Variants in CNPY3 observed in about 807,000 individuals in gnomAD.
The protein encoded by CNPY3 is canopy FGF signaling regulator 3.
Under a neutral mutation model 32.0 loss-of-function variants are expected in CNPY3, and 20 were observed. The ratio of observed to expected loss-of-function variants is 0.63; its 90% CI spans 0.44 to 0.91. CNPY3 has a LOEUF of 0.91. Among genes scored for constraint, CNPY3 ranks in the 40% least tolerant of loss-of-function variants. The probability of loss-of-function intolerance (pLI) is 0.00; values close to 1 mark genes in which losing one functional copy is unlikely to be tolerated. For missense variants in CNPY3, 299 were observed against 340.8 expected (o/e 0.88, Z 0.97); for synonymous variants, 138 against 142.9 (o/e 0.97, Z 0.24).
At position 42,938,161 on chromosome 6, in the gene CNPY3, G is replaced by T; in HGVS notation, c.567G>T (p.Leu189=). Residue 189 remains leucine, a synonymous_variant, in exon 5 of 6, where the codon CTG becomes CTT. Transcript: ENST00000372836. ...ACAGGAACCACCAGGAGGAAGACCTGACTGAATTCCTCTGCGCCAACCACG... is the reference window on the plus strand; with the variant it reads ...ACAGGAACCACCAGGAGGAAGACCTTACTGAATTCCTCTGCGCCAACCACG... ...DWYRNHQEED[L]TEFLCANHVL... 1.2e-6 allele frequency: 2 copies of T among 1,614,100 alleles called. No homozygotes were observed. Among genetic ancestry groups the T allele is most frequent in the South Asian group, 2.2e-5 (2 of 91,050 alleles).
intron 5 of CNPY3, 80 bp from the exon 6 acceptor site, chr6:42,938,488 G>A (rs577867594): frequency 5.9e-6 from 8 of 1,348,410 alleles, no homozygotes; most frequent in South Asian, 2.8e-5. Flanking sequence ...CTACTCCCAC[G>A]GCTCCCTGCT....
rs916477739 is a variant in CNPY3 at position 42,931,649 on chromosome 6, C to T, written c.151+1928C>T. Among the ~76,000 whole-genome samples, 95 of 152,048 alleles carry T rather than the reference C, an allele frequency of 6.2e-4. 1 individual carries two copies. The highest frequency in any genetic ancestry group is 2.8e-3 in the Admixed American group (43 of 15,268). On this transcript the variant is annotated intron_variant, in intron 1 of 5. Transcript: ENST00000372836. ...GTGCTGGGATTACAGGCGTGAGCCA[C>T]TGCACCCAGCCCAGCTAACTGATAG...
chr6:42,929,779 T>C (rs552745474), intron 1 of CNPY3, 58 bp downstream of exon 1: 426 of 1,502,360 alleles, frequency 2.8e-4, no homozygotes, highest in Non-Finnish European at 3.6e-4. Context: ...CCAGCGGTGG[T>C]GCTTGCGGAG....
intron 1 of CNPY3, among the ~76,000 whole-genome samples, chr6:42,930,078 C>T (rs1409734981): frequency 3.5e-4 from 53 of 151,968 alleles, no homozygotes; most frequent in Admixed American, 3.5e-3. Context: ...ATACAGGAAG[C>T]ACGAAGAGGC....
chr6:42,928,742 G>C (rs1304711841), upstream of CNPY3, among the ~76,000 whole-genome samples: 3 of 152,028 alleles, frequency 2.0e-5, no homozygotes, highest in Non-Finnish European at 4.4e-5. Flanking sequence ...CAGTAAAAGG[G>C]GCTGGGATTA....
chr6:42,932,314 T>G (rs1435159301), intron 1 of CNPY3, among the ~76,000 whole-genome samples: 1 of 152,224 alleles, frequency 6.6e-6, no homozygotes. Context: ...TACACCTTTG[T>G]TATTAAATGC....
intron 2 of CNPY3, 82 bp downstream of exon 2, chr6:42,934,680 G>A: frequency 1.3e-6 from 2 of 1,583,640 alleles, no homozygotes; most frequent in South Asian, 1.1e-5. Flanking sequence ...TCCTAGCTAG[G>A]CAAACCCCCT....
At chr6:42,936,676 C>T (rs1253292579) in intron 3 of CNPY3, among the ~76,000 whole-genome samples, 1 of 152,128 alleles carries the variant, frequency 6.6e-6, no homozygotes, top group African/African-American at 2.4e-5. Flanking sequence ...GCTGGGATTA[C>T]AGGCACCGAC....
chr6:42,933,417 A>G (rs1045777289), intron 1 of CNPY3, among the ~76,000 whole-genome samples: 2 of 152,216 alleles, frequency 1.3e-5, no homozygotes, highest in African/African-American at 4.8e-5. Flanking sequence ...AGGAAGGGTA[A>G]GAGGAAATGA....
chr6:42,936,012 T>C (rs906912252), intron 3 of CNPY3, among the ~76,000 whole-genome samples: 1 of 141,432 alleles, frequency 7.1e-6, no homozygotes, highest in African/African-American at 2.9e-5. Flanking sequence ...AGGCGAGGTG[T>C]CAGAGGACAC....
chr6:42,929,296 C>T, upstream of CNPY3: 1 of 445,538 alleles, frequency 2.2e-6, no homozygotes, highest in East Asian at 3.8e-5. Flanking sequence ...CTGAGGCCAC[C>T]ATCTGCTCTC....
Position 42,937,614 on chromosome 6 carries a change from G to A in CNPY3, c.373-103G>A, listed in dbSNP as rs778701571. ...AAAAGGATGAGGATCCTTAGAGGGC[G>A]TTGAGCATTGGTCTTATAGCTGGGT... On this transcript the variant is annotated intron_variant, in intron 3 of 5. Coordinates refer to ENST00000372836, the MANE Select transcript of CNPY3 (RefSeq NM_006586.5). The A allele has an allele frequency of 1.7e-4, 205 of 1,225,842 alleles. 1 individual carries two copies. Among genetic ancestry groups the A allele is most frequent in the Middle Eastern group, 6.7e-4 (3 of 4,502 alleles). The allele number at this position is 1,225,842 out of a possible 1,614,324, so 75.9% of individuals were successfully genotyped here.
Position 42,934,939 on chromosome 6 carries a change from A to C in CNPY3, c.275+341A>C, listed in dbSNP as rs189488497. ...GAGTGCAATGGCATGATCTTTGCTCACTGCAACCTCTGCCTCCCGGGTTCA... is the reference window on the plus strand; with the variant it reads ...GAGTGCAATGGCATGATCTTTGCTCCCTGCAACCTCTGCCTCCCGGGTTCA... On this transcript the variant is annotated intron_variant, in intron 2 of 5. Coordinates refer to ENST00000372836, the MANE Select transcript of CNPY3 (RefSeq NM_006586.5). Among the ~76,000 whole-genome samples the C allele has an allele frequency of 2.2e-3, 328 of 152,258 alleles. 4 individuals carry two copies. Among genetic ancestry groups the C allele is most frequent in the African/African-American group, 7.2e-3 (301 of 41,544 alleles).
intron 1 of CNPY3, 92 bp downstream of exon 1, chr6:42,929,813 C>G: frequency 7.1e-7 from 1 of 1,401,758 alleles, no homozygotes; most frequent in Non-Finnish European, 9.5e-7. Flanking sequence ...TGCAAGGTTC[C>G]GAGCTCTGCA....
At chr6:42,935,423 C>T in intron 2 of CNPY3, 151 bp from the exon 3 acceptor site, 1 of 1,331,694 alleles carries the variant, frequency 7.5e-7, no homozygotes, top group Non-Finnish European at 9.7e-7. Context: ...ATTTCAGATC[C>T]CCCAGACCAG....
intron 1 of CNPY3, among the ~76,000 whole-genome samples, chr6:42,931,732 A>AT (rs1006891749): frequency 6.2e-5 from 9 of 146,126 alleles, no homozygotes; most frequent in African/African-American, 1.7e-4. Context: ...TATTATTATT[A>AT]TTTTTTTTTG....
At chr6:42,928,132 C>A (rs548955543), upstream of CNPY3, among the ~76,000 whole-genome samples, 103 of 152,120 alleles carry the variant, frequency 6.8e-4, no homozygotes, top group Non-Finnish European at 1.4e-3. Context: ...GGATTACAGG[C>A]GTGTGCCACC....
At chr6:42,930,182 G>A (rs1767691160) in intron 1 of CNPY3, among the ~76,000 whole-genome samples, 1 of 152,150 alleles carries the variant, frequency 6.6e-6, no homozygotes, top group South Asian at 2.1e-4. Context: ...AGCTAAGAAC[G>A]AGTTTGAGGA....
chr6:42,931,852 T>C (rs912902937), intron 1 of CNPY3, among the ~76,000 whole-genome samples: 2 of 151,914 alleles, frequency 1.3e-5, no homozygotes, highest in Non-Finnish European at 2.9e-5. Context: ...ACCTCCTGAA[T>C]AGCTGGGATT....
Sources: allele counts gnomAD v4.1 joint callset (sites outside exome capture counted in the v4.1 genomes callset), GRCh38; gene constraint gnomAD v4.1.1; transcripts MANE v1.5; gene names NCBI Gene and HGNC (gene_info 2026-07-23, HGNC 2026-07-21).